The following SPATS2 variants were observed in gnomAD, a reference collection of about 807,000 sequenced individuals.
SPATS2 encodes the protein spermatogenesis associated serine rich 2.
In SPATS2, 38 loss-of-function variants were observed where a neutral mutation model predicts 63.7. The ratio of observed to expected loss-of-function variants is 0.60; its 90% CI spans 0.46 to 0.78. The LOEUF is 0.78. Ranked by LOEUF, SPATS2 falls within the 30% of genes least tolerant of loss-of-function variation. The pLI, the probability that SPATS2 is intolerant of heterozygous loss-of-function variation, is 0.00. For missense variants in SPATS2, 588 were observed against 666.2 expected (o/e 0.88, Z 1.29); for synonymous variants, 207 against 232.9 (o/e 0.89, Z 1.01).
chr12:49,495,152 TG>T (rs771368369), intron 7 of SPATS2, 150 bp downstream of exon 7: 1 of 786,018 alleles, frequency 1.3e-6, no homozygotes, highest in Non-Finnish European at 1.8e-6. Flanking sequence ...TGTTACTTTT[TG>T]TCTGAGTCAC....
intron 2 of SPATS2, chr12:49,389,576 G>A: frequency 2.9e-6 from 3 of 1,031,612 alleles, no homozygotes; most frequent in African/African-American, 1.6e-5. Context: ...AAGATTAAGA[G>A]ATCACGACGA....
At chr12:49,410,508 T>A (rs1272453948) in intron 2 of SPATS2, among the ~76,000 whole-genome samples, 1 of 152,174 alleles carries the variant, frequency 6.6e-6, no homozygotes, top group Non-Finnish European at 1.5e-5. Context: ...ATACTTACTA[T>A]CTAATTTTTC....
At chr12:49,490,912 C>T in intron 6 of SPATS2, 181 bp downstream of exon 6, 1 of 547,158 alleles carries the variant, frequency 1.8e-6, no homozygotes, top group Admixed American at 3.2e-5. Context: ...GAGGCCAAGG[C>T]AGGTGGATCA....
intron 3 of SPATS2, among the ~76,000 whole-genome samples, chr12:49,476,831 C>T (rs1194103050): frequency 6.6e-6 from 1 of 152,198 alleles, no homozygotes; most frequent in Non-Finnish European, 1.5e-5. Context: ...CTTGGCTGGG[C>T]GCGGTGGCTC....
chr12:49,375,547 A>C (rs1365255316), intron 2 of SPATS2, among the ~76,000 whole-genome samples: 1 of 152,062 alleles, frequency 6.6e-6, no homozygotes, highest in Non-Finnish European at 1.5e-5. Flanking sequence ...AATGATTCAA[A>C]ATGTACATTA....
At chr12:49,511,569 A>T (rs1946754244) in intron 9 of SPATS2, among the ~76,000 whole-genome samples, 1 of 152,106 alleles carries the variant, frequency 6.6e-6, no homozygotes, top group Non-Finnish European at 1.5e-5. Context: ...AAGGTAATAG[A>T]GAGTCTGAAT....
intron 2 of SPATS2, among the ~76,000 whole-genome samples, chr12:49,390,694 ATG>A (rs1944403635): frequency 6.6e-6 from 1 of 152,202 alleles, no homozygotes; most frequent in Non-Finnish European, 1.5e-5. Context: ...GGCTATAGGA[ATG>A]TGTTATATGT....
intron 9 of SPATS2, among the ~76,000 whole-genome samples, chr12:49,502,542 C>T (rs1946582948): frequency 6.6e-6 from 1 of 152,176 alleles, no homozygotes; most frequent in Non-Finnish European, 1.5e-5. Flanking sequence ...CCTCCACCTC[C>T]TGGGCTCAAG....
At chr12:49,405,584 AG>A in intron 2 of SPATS2, among the ~76,000 whole-genome samples, 1 of 152,266 alleles carries the variant, frequency 6.6e-6, no homozygotes, top group Non-Finnish European at 1.5e-5. Flanking sequence ...CTGTAATCCC[AG>A]CTACTTGGGA....
intron 2 of SPATS2, chr12:49,390,180 T>C: frequency 6.9e-7 from 1 of 1,441,336 alleles, no homozygotes; most frequent in South Asian, 1.2e-5. Flanking sequence ...CTTCTGAGTC[T>C]GTGAGCTTCT....
chr12:49,429,286 T>C (rs1215956053), intron 2 of SPATS2, among the ~76,000 whole-genome samples: 1 of 152,204 alleles, frequency 6.6e-6, no homozygotes, highest in Non-Finnish European at 1.5e-5. Flanking sequence ...AATTGGTTTT[T>C]CAAAATGAAA....
At chr12:49,404,895 G>A (rs1010397174) in intron 2 of SPATS2, among the ~76,000 whole-genome samples, 11 of 151,984 alleles carry the variant, frequency 7.2e-5, no homozygotes, top group Admixed American at 5.9e-4. Flanking sequence ...AGAATAAAAA[G>A]GAGAATATTT....
intron 3 of SPATS2, 75 bp from the exon 4 acceptor site, chr12:49,484,515 C>A: frequency 7.1e-7 from 1 of 1,411,562 alleles, no homozygotes; most frequent in Non-Finnish European, 9.8e-7. Flanking sequence ...CGAAAGCAGC[C>A]AGTCTTGGCC....
At chr12:49,420,831 C>G (rs1446894230) in intron 2 of SPATS2, among the ~76,000 whole-genome samples, 1 of 152,014 alleles carries the variant, frequency 6.6e-6, no homozygotes, top group African/African-American at 2.4e-5. Context: ...TAGTGAAACT[C>G]TGTCTCTACA....
At chr12:49,456,554 CTG>C (rs953764959) in intron 2 of SPATS2, among the ~76,000 whole-genome samples, 30 of 152,286 alleles carry the variant, frequency 2.0e-4, no homozygotes, top group Middle Eastern at 3.4e-3. Flanking sequence ...GGGACATAAT[CTG>C]TCTTATAATT....
At chr12:49,393,920 G>C (rs996543633) in intron 2 of SPATS2, among the ~76,000 whole-genome samples, 11 of 152,092 alleles carry the variant, frequency 7.2e-5, no homozygotes, top group African/African-American at 2.4e-4. Flanking sequence ...GGACTCAAGT[G>C]ATCTTCCTGC....
intron 2 of SPATS2, among the ~76,000 whole-genome samples, chr12:49,399,125 T>C (rs983347751): frequency 2.0e-5 from 3 of 152,154 alleles, no homozygotes; most frequent in Non-Finnish European, 4.4e-5. Context: ...TGTCTTTTTT[T>C]CTAATTTTTT....
At position 49,469,568 on chromosome 12, in the gene SPATS2, AAAAC is replaced by A. The variant is rs758382718; in HGVS notation, c.25+8535_25+8538del. ...AAAAAAAAAAAAAAAAAAAAAAGAA[AAAAC>A]AAAGTAAAATAAAACTTTTCACAGC... On this transcript the variant is annotated intron_variant, in intron 3 of 13. Coordinates refer to ENST00000552918, the MANE Select transcript of SPATS2 (RefSeq NM_023071.4). The A allele has an allele frequency of 3.7e-5, 16 of 431,042 alleles. 1 individual carries two copies. Among genetic ancestry groups the A allele is most frequent in the South Asian group, 2.7e-4 (16 of 58,902 alleles). The allele number at this position is 431,042 out of a possible 1,614,324, so 26.7% of individuals were successfully genotyped here.
rs1236549425 is a variant in SPATS2, at chr12:49,436,737, A to AC, written c.-243-24026dup. On this transcript the variant is annotated intron_variant, in intron 2 of 13. Transcript: ENST00000552918. The stretch of plus-strand genomic sequence containing the variant: ...GGGCGGCTGGCCGGGCGGGGGGCTG[A>AC]CCCCCCCACATCCTTCCCGGACAGG... Among the ~76,000 whole-genome samples, 20 of 137,654 alleles carry AC rather than the reference A, an allele frequency of 1.5e-4. No homozygotes were observed. In the East Asian group the frequency reaches 2.5e-3, roughly 17 times the overall value. The allele number at this position is 137,654 out of a possible 152,430, so 90.3% of individuals were successfully genotyped here.
Sources: gnomAD v4.1 joint callset for allele counts (sites outside exome capture counted in the v4.1 genomes callset) on GRCh38, gnomAD v4.1.1 for gene constraint, MANE v1.5 for transcripts, NCBI Gene and HGNC (gene_info 2026-07-23, HGNC 2026-07-21) for gene names.